DIAPH2: variants seen among roughly 807,000 people sequenced by gnomAD.
DIAPH2 encodes protein diaphanous homolog 2.
A neutral mutation model predicts 92.7 loss-of-function variants in DIAPH2; 35 were observed. The ratio of observed to expected loss-of-function variants is 0.38; its 90% CI spans 0.29 to 0.50. The LOEUF is 0.50. Ranked by LOEUF, DIAPH2 falls within the 20% of genes least tolerant of loss-of-function variation. The pLI, the probability that DIAPH2 is intolerant of heterozygous loss-of-function variation, is 0.94. For synonymous variants in DIAPH2, 301 were observed against 280.4 expected (o/e 1.07, Z -0.73); for missense variants, 701 against 819.5 (o/e 0.86, Z 1.77).
At chrX:96,774,447 A>G (rs755498151) in intron 4 of DIAPH2, among the ~76,000 whole-genome samples, 5 of 112,089 alleles carry the variant, frequency 4.5e-5, no homozygotes, top group African/African-American at 6.5e-5. Flanking sequence ...CTGCTACATT[A>G]CAGAGAATTA....
intron 17 of DIAPH2, among the ~76,000 whole-genome samples, chrX:96,998,861 A>G (rs1181546777): frequency 8.9e-6 from 1 of 112,159 alleles, no homozygotes; most frequent in African/African-American, 3.2e-5. Flanking sequence ...GGGGATAATA[A>G]TAGTATGTAC....
chrX:97,489,766 TCA>T (rs1891804217), intron 26 of DIAPH2, among the ~76,000 whole-genome samples: 2 of 111,928 alleles, frequency 1.8e-5, no homozygotes, highest in Non-Finnish European at 3.8e-5. Context: ...CAAGCCATCC[TCA>T]CATATTAGGG....
At chrX:97,498,237 ACT>A (rs1052717807) in intron 26 of DIAPH2, among the ~76,000 whole-genome samples, 3 of 110,476 alleles carry the variant, frequency 2.7e-5, no homozygotes, top group Admixed American at 9.6e-5. Context: ...CAATGAATGA[ACT>A]CTCTGTTCTC....
chrX:97,229,853 CATATT>C (rs1403222770), intron 22 of DIAPH2, among the ~76,000 whole-genome samples: 19 of 93,875 alleles, frequency 2.0e-4, no homozygotes, highest in Non-Finnish European at 3.5e-4. Flanking sequence ...TTATATATAA[CATATT>C]ATATATTATA....
At chrX:97,469,928 T>A in intron 26 of DIAPH2, 1 of 694,678 alleles carries the variant, frequency 1.4e-6, no homozygotes, top group Non-Finnish European at 2.0e-6. Flanking sequence ...TCATGATGGT[T>A]AACCATATCT....
chrX:97,136,701 T>C (rs887856069), intron 21 of DIAPH2, among the ~76,000 whole-genome samples: 4 of 111,464 alleles, frequency 3.6e-5, no homozygotes, highest in Non-Finnish European at 7.5e-5. Flanking sequence ...GCCAGTTCAC[T>C]CTAGAGTTAT....
At chrX:97,404,035 T>A (rs1367801883) in intron 25 of DIAPH2, among the ~76,000 whole-genome samples, 1 of 109,916 alleles carries the variant, frequency 9.1e-6, no homozygotes, top group Admixed American at 9.8e-5. Flanking sequence ...GTATTTTTAG[T>A]AGAGACAGGG....
At chrX:97,514,330 G>A (rs1482248728) in intron 26 of DIAPH2, among the ~76,000 whole-genome samples, 200 of 111,522 alleles carry the variant, frequency 1.8e-3, no homozygotes, top group Admixed American at 5.0e-3. Flanking sequence ...CATTCTTCAC[G>A]TAGTTCTCGA....
chrX:97,248,824 T>G (rs1047210887), intron 23 of DIAPH2, among the ~76,000 whole-genome samples: 1 of 111,938 alleles, frequency 8.9e-6, no homozygotes, highest in Non-Finnish European at 1.9e-5. Flanking sequence ...TCGAATTACT[T>G]AAGAATGGCA....
At chrX:97,483,658 GTTCTCCT>G (rs2147817730) in intron 26 of DIAPH2, among the ~76,000 whole-genome samples, 1 of 111,281 alleles carries the variant, frequency 9.0e-6, no homozygotes, top group South Asian at 3.8e-4. Context: ...TCTATCTTCA[GTTCTCCT>G]TTCTTCATTT....
intron 4 of DIAPH2, among the ~76,000 whole-genome samples, chrX:96,858,855 A>C (rs2065055762): frequency 8.9e-6 from 1 of 112,107 alleles, no homozygotes; most frequent in Admixed American, 9.5e-5. Flanking sequence ...GAAATGTGAC[A>C]GATATGTCCG....
At chrX:97,413,766 A>G (rs1287528277) in intron 25 of DIAPH2, among the ~76,000 whole-genome samples, 1 of 111,907 alleles carries the variant, frequency 8.9e-6, no homozygotes, top group East Asian at 2.8e-4. Context: ...ACAGACAAAC[A>G]GAGAGCCAAA....
At chrX:96,952,619 C>T (rs2065783210) in intron 15 of DIAPH2, among the ~76,000 whole-genome samples, 1 of 110,311 alleles carries the variant, frequency 9.1e-6, no homozygotes, top group African/African-American at 3.3e-5. Flanking sequence ...CCTGTAATCC[C>T]AGCTACTCGG....
intron 26 of DIAPH2, among the ~76,000 whole-genome samples, chrX:97,507,713 C>T (rs1298709846): frequency 2.7e-5 from 3 of 111,969 alleles, no homozygotes; most frequent in African/African-American, 6.5e-5. Flanking sequence ...TTTTGCTCCA[C>T]ATTTGAAACG....
intron 17 of DIAPH2, among the ~76,000 whole-genome samples, chrX:96,979,496 C>T (rs775389535): frequency 8.9e-6 from 1 of 112,438 alleles, no homozygotes; most frequent in Admixed American, 9.4e-5. Context: ...TTGGAGACTT[C>T]TCCCTGAACA....
At chrX:97,161,208 G>C (rs193276833) in intron 22 of DIAPH2, among the ~76,000 whole-genome samples, 5 of 109,648 alleles carry the variant, frequency 4.6e-5, no homozygotes, top group African/African-American at 9.9e-5. Flanking sequence ...TGTGATTTTA[G>C]GGAAGGTACA....
intron 22 of DIAPH2, among the ~76,000 whole-genome samples, chrX:97,173,342 A>G (rs1398445756): frequency 9.0e-6 from 1 of 111,714 alleles, no homozygotes; most frequent in Non-Finnish European, 1.9e-5. Context: ...CAGAGGTTAC[A>G]GTGAGCTGAA....
At chrX:96,923,197 G>A (rs1395294021) in intron 9 of DIAPH2, among the ~76,000 whole-genome samples, 3 of 112,123 alleles carry the variant, frequency 2.7e-5, no homozygotes, top group Non-Finnish European at 5.6e-5. Flanking sequence ...TTTGAAAGGT[G>A]CCATGTTTTT....
chrX:97,307,943 T>C (rs1482420955), intron 23 of DIAPH2, among the ~76,000 whole-genome samples: 1 of 108,038 alleles, frequency 9.3e-6, no homozygotes, highest in Non-Finnish European at 1.9e-5. Context: ...GAAAAAGATA[T>C]CATTACTATA....
Sources: gnomAD v4.1 joint callset for allele counts (sites outside exome capture counted in the v4.1 genomes callset) on GRCh38, gnomAD v4.1.1 for gene constraint, MANE v1.5 for transcripts, NCBI Gene and HGNC (gene_info 2026-07-23, HGNC 2026-07-21) for gene names.